Variants in LRP1B observed in about 807,000 individuals in gnomAD.
The protein encoded by LRP1B is low-density lipoprotein receptor-related protein 1B.
Under a neutral mutation model 556.6 loss-of-function variants are expected in LRP1B, and 217 were observed. The observed-to-expected ratio is 0.39, with a 90% CI of 0.35 to 0.44. The LOEUF (loss-of-function observed/expected upper bound fraction) is 0.44. LRP1B is among the 20% of genes least tolerant of loss of function. The pLI, the probability that LRP1B is intolerant of heterozygous loss-of-function variation, is 1.00. For synonymous variants in LRP1B, 2,047 were observed against 1,865.8 expected, an observed-to-expected ratio of 1.10 and a Z score of -2.50; for missense variants, 5,053 against 5,620.8, an observed-to-expected ratio of 0.90 and a Z score of 3.23.
intron 39 of LRP1B, 68 bp downstream of exon 39, chr2:140,702,073 A>G (rs1686664720): frequency 6.5e-7 from 1 of 1,545,908 alleles, no homozygotes; most frequent in Admixed American, 1.8e-5. Flanking sequence ...GGTAAATCCT[A>G]CAAGGGTAAA....
At chr2:141,012,142 G>T (rs1202701152) in intron 14 of LRP1B, among the ~76,000 whole-genome samples, 1 of 151,854 alleles carries the variant, frequency 6.6e-6, no homozygotes, top group Non-Finnish European at 1.5e-5. Flanking sequence ...CTAAGCCCGG[G>T]GCATTTTTCA....
chr2:140,816,075 A>C (rs1055791934), intron 31 of LRP1B, among the ~76,000 whole-genome samples: 1 of 152,122 alleles, frequency 6.6e-6, no homozygotes, highest in Non-Finnish European at 1.5e-5. Flanking sequence ...GCTTGTTTTC[A>C]AAGAGTTCTG....
At chr2:141,642,695 T>G (rs1367928355) in intron 2 of LRP1B, among the ~76,000 whole-genome samples, 1 of 150,970 alleles carries the variant, frequency 6.6e-6, no homozygotes, top group East Asian at 1.9e-4. Context: ...AAATACAGAA[T>G]GTGAGCTAGA....
intron 7 of LRP1B, among the ~76,000 whole-genome samples, chr2:141,067,835 G>A (rs1245204614): frequency 1.3e-5 from 2 of 151,910 alleles, no homozygotes; most frequent in African/African-American, 2.4e-5. Flanking sequence ...TGTAAAATAG[G>A]TAAGGTGATC....
At chr2:141,135,770 T>A (rs1190527829) in intron 7 of LRP1B, among the ~76,000 whole-genome samples, 1 of 151,954 alleles carries the variant, frequency 6.6e-6, no homozygotes. Flanking sequence ...ACTGAGTATA[T>A]ACATGTGGTT....
chr2:140,883,685 CG>C, intron 25 of LRP1B, 131 bp downstream of exon 25: 68 of 438,372 alleles, frequency 1.6e-4, no homozygotes, highest in South Asian at 5.6e-4. Flanking sequence ...TCCCCGCCCC[CG>C]CCACACACAC....
At chr2:140,577,067 A>T (rs1372187070) in intron 43 of LRP1B, among the ~76,000 whole-genome samples, 1 of 152,184 alleles carries the variant, frequency 6.6e-6, no homozygotes, top group Non-Finnish European at 1.5e-5. Flanking sequence ...AAACATTACC[A>T]CACAAATTCA....
chr2:141,302,314 G>A (rs972531045), intron 3 of LRP1B, among the ~76,000 whole-genome samples: 1 of 152,064 alleles, frequency 6.6e-6, no homozygotes, highest in Non-Finnish European at 1.5e-5. Context: ...ATTTGGCCAG[G>A]TGTGCAAAGC....
chr2:141,021,232 T>C (rs1220970163), intron 11 of LRP1B, among the ~76,000 whole-genome samples: 2 of 152,054 alleles, frequency 1.3e-5, no homozygotes, highest in Admixed American at 1.3e-4. Context: ...GGATATTTAC[T>C]ATTATCATGT....
At chr2:140,870,427 G>T (rs1475314038) in intron 25 of LRP1B, among the ~76,000 whole-genome samples, 6 of 152,092 alleles carry the variant, frequency 3.9e-5, no homozygotes, top group African/African-American at 1.4e-4. Context: ...TATGAAGAGG[G>T]TATATAAGCC....
At chr2:142,086,938 T>G (rs920306158) in intron 1 of LRP1B, among the ~76,000 whole-genome samples, 42 of 152,164 alleles carry the variant, frequency 2.8e-4, no homozygotes, top group African/African-American at 9.2e-4. Flanking sequence ...GAAGTATTTT[T>G]TTTTCCAATC....
intron 18 of LRP1B, among the ~76,000 whole-genome samples, chr2:140,979,594 T>C (rs1696705166): frequency 6.6e-6 from 1 of 152,108 alleles, no homozygotes; most frequent in Non-Finnish European, 1.5e-5. Flanking sequence ...AGCACACAAA[T>C]AGGCAAACAA....
intron 68 of LRP1B, among the ~76,000 whole-genome samples, chr2:140,375,119 A>G (rs960139351): frequency 6.6e-6 from 1 of 151,058 alleles, no homozygotes; most frequent in African/African-American, 2.4e-5. Context: ...GTGATTAATG[A>G]GCTTTTGCTT....
At chr2:140,537,710 G>A (rs373755508) in intron 45 of LRP1B, among the ~76,000 whole-genome samples, 1 of 152,030 alleles carries the variant, frequency 6.6e-6, no homozygotes, top group Non-Finnish European at 1.5e-5. Flanking sequence ...CTAAATCTCA[G>A]AATTTTTATT....
At chr2:141,113,006 T>C (rs1057384557) in intron 7 of LRP1B, among the ~76,000 whole-genome samples, 1 of 152,234 alleles carries the variant, frequency 6.6e-6, no homozygotes, top group African/African-American at 2.4e-5. Flanking sequence ...ATAATATGCA[T>C]ATTACAAAAT....
intron 18 of LRP1B, among the ~76,000 whole-genome samples, chr2:140,959,538 A>AT (rs1008433106): frequency 2.0e-4 from 30 of 151,826 alleles, no homozygotes; most frequent in African/African-American, 5.5e-4. Flanking sequence ...ATGAATTTAG[A>AT]TTTTTTATCC....
intron 3 of LRP1B, among the ~76,000 whole-genome samples, chr2:141,464,826 A>G (rs1316423958): frequency 6.6e-6 from 1 of 151,782 alleles, no homozygotes; most frequent in Non-Finnish European, 1.5e-5. Flanking sequence ...TTCTTAATTG[A>G]GATCTCACTG....
chr2:141,361,784 G>C (rs1294411692), intron 3 of LRP1B, among the ~76,000 whole-genome samples: 1 of 152,108 alleles, frequency 6.6e-6, no homozygotes, highest in Non-Finnish European at 1.5e-5. Context: ...AAGTCTATTT[G>C]AGAAGTCTTT....
At chr2:141,688,412 AATTATTAATATCACAT>A (rs1282548578) in intron 2 of LRP1B, among the ~76,000 whole-genome samples, 1 of 151,868 alleles carries the variant, frequency 6.6e-6, no homozygotes, top group African/African-American at 2.4e-5. Context: ...TATTCATACT[AATTATTAATATCACAT>A]ATTTTTAAAA....
Sources: allele counts gnomAD v4.1 joint callset (sites outside exome capture counted in the v4.1 genomes callset), GRCh38; gene constraint gnomAD v4.1.1; transcripts MANE v1.5; gene names NCBI Gene and HGNC (gene_info 2026-07-23, HGNC 2026-07-21).